The following CHD6 variants were observed in gnomAD, a reference collection of about 807,000 sequenced individuals.
CHD6 encodes chromodomain helicase DNA binding protein 6.
A neutral mutation model predicts 276.9 loss-of-function variants in CHD6; 50 were observed. The ratio of observed to expected loss-of-function variants is 0.18; its 90% CI spans 0.14 to 0.23. The LOEUF (loss-of-function observed/expected upper bound fraction) is 0.23, where lower values mean the gene tolerates loss of function less well. CHD6 is among the 10% of genes least tolerant of loss of function. CHD6 has a pLI of 1.00. For missense variants in CHD6, 2,564 were observed against 3,365.8 expected, an observed-to-expected ratio of 0.76 and a Z score of 5.89; for synonymous variants, 1,173 against 1,229.3, an observed-to-expected ratio of 0.95 and a Z score of 0.96.
rs2047206933 is a variant in CHD6 at position 41,421,908 on chromosome 20, T to G, written c.4727A>C (p.Glu1576Ala). ...CAGGTCTCGATCATGCTTCCCACACTCCCACCAGACTGGGAGGTAGAGGCT... is the reference window on the plus strand; with the variant it reads ...CAGGTCTCGATCATGCTTCCCACACGCCCACCAGACTGGGAGGTAGAGGCT... ...RPSLYLPVWW[E>A]CGKHDRDLLI... Residue 1576 changes from glutamate to alanine, a missense_variant, in exon 31 of 37, where the codon GAG (glutamate) becomes GCG (alanine). Glu to Ala is a moderately radical substitution (Grantham distance 107, BLOSUM62 -1). Transcript: ENST00000373233. The G allele has an allele frequency of 4.3e-6, 7 of 1,614,036 alleles. No individual in the cohort carries two copies. Among genetic ancestry groups the G allele is most frequent in the Non-Finnish European group, 5.9e-6 (7 of 1,179,982 alleles).
chr20:41,425,966 T>C (rs753589036), intron 28 of CHD6, 127 bp downstream of exon 28: 1 of 759,320 alleles, frequency 1.3e-6, no homozygotes, highest in South Asian at 1.5e-5. Context: ...AGTTTGATGA[T>C]GGTCAACTTA....
chr20:41,472,514 T>C (rs1021739353), intron 17 of CHD6, among the ~76,000 whole-genome samples: 8 of 152,230 alleles, frequency 5.3e-5, no homozygotes, highest in Non-Finnish European at 1.0e-4. Flanking sequence ...TCTCAAGATA[T>C]ATGCGATATA....
chr20:41,404,662 G>C lies in CHD6; in HGVS notation c.8079C>G (p.Pro2693=). 6.5e-7 allele frequency: 1 copy of C among 1,537,836 alleles called. No homozygotes were observed. Among genetic ancestry groups the C allele is most frequent in the Non-Finnish European group, 8.8e-7 (1 of 1,142,056 alleles). ...ENCAEPSAPL[P]AEREHGAQAG... is the part of the protein sequence containing the mutation. ...CCTGTGCCCCATGTTCTCTCTCTGCGGGCAAAGGGGCACTGGGTTCGGCAC... is the reference window on the plus strand; with the variant it reads ...CCTGTGCCCCATGTTCTCTCTCTGCCGGCAAAGGGGCACTGGGTTCGGCAC... Residue 2693 remains proline, a synonymous_variant, in exon 37 of 37, where the codon CCC becomes CCG. Transcript: ENST00000373233.
At chr20:41,557,318 C>T (rs1274038889) in intron 1 of CHD6, among the ~76,000 whole-genome samples, 1 of 152,178 alleles carries the variant, frequency 6.6e-6, no homozygotes, top group East Asian at 1.9e-4. Context: ...AATATAAAAG[C>T]TCCCATTCCT....
intron 1 of CHD6, among the ~76,000 whole-genome samples, chr20:41,565,373 C>T (rs543274350): frequency 1.3e-5 from 2 of 152,272 alleles, no homozygotes; most frequent in Admixed American, 6.5e-5. Flanking sequence ...GGATTACAGG[C>T]GTGAGCCACC....
At chr20:41,611,211 G>A (rs1048071046) in intron 1 of CHD6, among the ~76,000 whole-genome samples, 15 of 152,070 alleles carry the variant, frequency 9.9e-5, no homozygotes, top group Non-Finnish European at 1.8e-4. Flanking sequence ...TAGGTTAAAG[G>A]ACAATCTTGT....
At chr20:41,584,096 G>A (rs2045568038) in intron 1 of CHD6, among the ~76,000 whole-genome samples, 1 of 151,984 alleles carries the variant, frequency 6.6e-6, no homozygotes, top group Non-Finnish European at 1.5e-5. Context: ...CCAGTTATAT[G>A]TTTCTATAAG....
chr20:41,588,746 A>G (rs1445164537), intron 1 of CHD6, among the ~76,000 whole-genome samples: 1 of 152,168 alleles, frequency 6.6e-6, no homozygotes, highest in Admixed American at 6.5e-5. Context: ...TTCTAGGACC[A>G]AAGACATGCT....
At chr20:41,590,072 C>T (rs1290697409) in intron 1 of CHD6, among the ~76,000 whole-genome samples, 5 of 152,084 alleles carry the variant, frequency 3.3e-5, no homozygotes, top group African/African-American at 4.8e-5. Context: ...CATCTACAAC[C>T]ATCTGATGTT....
intron 15 of CHD6, among the ~76,000 whole-genome samples, 171 bp from the exon 16 acceptor site, chr20:41,483,690 G>A (rs1163488146): frequency 6.6e-6 from 1 of 152,158 alleles, no homozygotes; most frequent in African/African-American, 2.4e-5. Flanking sequence ...AGAGGGCTCT[G>A]CAGTGGCAGC....
Position 41,421,632 on chromosome 20 carries a change from C to T in CHD6, c.5003G>A (p.Arg1668Lys), listed in dbSNP as rs780656103. The T allele has an allele frequency of 6.2e-7, 1 of 1,613,908 alleles. No individual in the cohort carries two copies. The highest frequency in any genetic ancestry group is 8.5e-7 in the Non-Finnish European group (1 of 1,179,892). Residue 1668 changes from arginine to lysine, a missense_variant, in exon 31 of 37, where the codon AGA (arginine) becomes AAA (lysine). Physicochemically the swap from Arg to Lys is conservative, Grantham distance 26 (BLOSUM62 2). Transcript: ENST00000373233. Reference sequence around the variant, plus strand: ...ATCAGGCAGGCTGAGATGATCATCTCTGCTTTCTACTCTCACTAGATTTTC... The same window carrying T: ...ATCAGGCAGGCTGAGATGATCATCTTTGCTTTCTACTCTCACTAGATTTTC... ...EPENLVRVES[R>K]DDHLSLPDVT...
At chr20:41,491,360 T>C (rs982630458) in intron 11 of CHD6, among the ~76,000 whole-genome samples, 4 of 149,800 alleles carry the variant, frequency 2.7e-5, no homozygotes, top group Admixed American at 2.0e-4. Context: ...TGTTTTGTTT[T>C]GTTTTTTGTT....
intron 9 of CHD6, 35 bp from the exon 10 acceptor site, chr20:41,493,707 A>T (rs1601001771): frequency 6.2e-7 from 1 of 1,611,952 alleles, no homozygotes; most frequent in African/African-American, 1.3e-5. Context: ...TTAATGTTCT[A>T]TTAGGTTAAA....
rs998372446 is a variant in CHD6, at chr20:41,422,192, G to C, written c.4556-113C>G. The C allele has an allele frequency of 6.5e-6, 7 of 1,077,766 alleles. No individual in the cohort carries two copies. The Admixed American group carries it at 2.0e-4, about 31-fold the overall frequency. The allele number at this position is 1,077,766 out of a possible 1,614,324, so 66.8% of individuals were successfully genotyped here. A position where few individuals can be genotyped will look rare whatever the true frequency, so the allele number is the denominator to read the frequency against. ...GTTTAGCTCCCTGGCTCCTCAGCAT[G>C]GCAGTTTCAGGTGTGTGAGCCCTTG... On this transcript the variant is annotated intron_variant, in intron 30 of 36. Transcript: ENST00000373233.
chr20:41,483,326 ATCT>A lies in CHD6; in HGVS notation c.2448_2450del (p.Glu816del). On this transcript the variant is annotated inframe_deletion, in exon 16 of 37. Transcript: ENST00000373233. ...AGTCTCACCTTCTCTGGATGAGGTA[ATCT>A]TCTAGGATGTCGAGGCAGCGCACCA... 6.2e-7 allele frequency: 1 copy of A among 1,613,002 alleles called. No homozygotes were observed. The highest frequency in any genetic ancestry group is 8.5e-7 in the Non-Finnish European group (1 of 1,179,482).
chr20:41,533,541 G>T lies in CHD6; in HGVS notation c.63C>A (p.Ser21=). 1.2e-6 allele frequency: 2 copies of T among 1,609,520 alleles called. No homozygotes were observed. Among genetic ancestry groups the T allele is most frequent in the East Asian group, 2.2e-5 (1 of 44,866 alleles). Residue 21 remains serine (S), a synonymous_variant, in exon 3 of 37, where the codon TCC becomes TCA. Coordinates refer to ENST00000373233, the MANE Select transcript of CHD6 (RefSeq NM_032221.5). ...AATTGACAGAGGCATCAGACATTGG[G>T]GAGTGATTCAAAACTTTTAAATTTG... ...QLSNLKVLNH[S]PMSDASVNFD...
chr20:41,406,338 T>C (rs2046673523), intron 36 of CHD6, among the ~76,000 whole-genome samples: 1 of 152,200 alleles, frequency 6.6e-6, no homozygotes, highest in Non-Finnish European at 1.5e-5. Context: ...GCACTTCTGC[T>C]CCACGTGGAC....
At chr20:41,539,719 C>T (rs145212404) in intron 2 of CHD6, among the ~76,000 whole-genome samples, 1 of 152,236 alleles carries the variant, frequency 6.6e-6, no homozygotes, top group African/African-American at 2.4e-5. Context: ...ATAAAGGAAA[C>T]ACATAATAAC....
rs2048284356 is a variant in CHD6, at chr20:41,452,997, C to G, written c.3121-55G>C. Reference sequence around the variant, plus strand: ...AGTCCTCTTTTCTCTACTCCTTTCACAAAGCATAAGTGTATCCTCAGGACA... The same window carrying G: ...AGTCCTCTTTTCTCTACTCCTTTCAGAAAGCATAAGTGTATCCTCAGGACA... On this transcript the variant is annotated intron_variant, in intron 20 of 36. Coordinates refer to ENST00000373233, the MANE Select transcript of CHD6 (RefSeq NM_032221.5). The surrounding 1 kb of genome is among the most constrained non-coding windows in gnomAD (Gnocchi z 4.2). The G allele has an allele frequency of 7.2e-7, 1 of 1,394,886 alleles. No homozygotes were observed. The highest frequency in any genetic ancestry group is 1.4e-5 in the African/African-American group (1 of 70,386). 86.4% of individuals were successfully genotyped at this position (1,394,886 alleles called of 1,614,324 possible).
Sources: allele counts gnomAD v4.1 joint callset (sites outside exome capture counted in the v4.1 genomes callset), GRCh38; gene constraint gnomAD v4.1.1; non-coding constraint Gnocchi (gnomAD v3.1); transcripts MANE v1.5; gene names NCBI Gene and HGNC (gene_info 2026-07-23, HGNC 2026-07-21).